Variants in RORA observed in about 807,000 individuals in gnomAD.
RORA encodes RAR related orphan receptor A, also known as nuclear receptor ROR-alpha.
Under a neutral mutation model 69.5 loss-of-function variants are expected in RORA, and 7 were observed. The ratio of observed to expected loss-of-function variants is 0.10; its 90% confidence interval spans 0.06 to 0.19. RORA has a LOEUF of 0.19. Among genes scored for constraint, RORA ranks in the 10% least tolerant of loss-of-function variants. RORA has a pLI of 1.00. For missense variants in RORA, 457 were observed against 663.0 expected, an observed-to-expected ratio of 0.69 and a Z score of 3.41; for synonymous variants, 261 against 240.8, an observed-to-expected ratio of 1.08 and a Z score of -0.78.
intron 1 of RORA, among the ~76,000 whole-genome samples, chr15:60,737,454 G>A (rs341414): frequency 0.16 from 24,120 of 152,062 alleles, 2,033 homozygotes; most frequent in African/African-American, 0.21. Context: ...CTGGACCAGC[G>A]GCATGGGCAG....
intron 1 of RORA, among the ~76,000 whole-genome samples, chr15:60,978,010 T>C (rs912304781): frequency 6.6e-6 from 1 of 152,168 alleles, no homozygotes; most frequent in East Asian, 1.9e-4. Flanking sequence ...GGTAACTCTA[T>C]GTTTAATTTT....
At chr15:60,592,814 C>A in intron 2 of RORA, 3 of 579,582 alleles carry the variant, frequency 5.2e-6, no homozygotes, top group Non-Finnish European at 8.7e-6. Flanking sequence ...TCACCTGTGG[C>A]CGCCGGTCGC....
rs763402553 is a variant in RORA, at chr15:60,593,086, C to T, written c.197-61235G>A. 91 of 359,094 alleles carry T rather than the reference C, an allele frequency of 2.5e-4. 1 individual carries two copies. Among genetic ancestry groups the T allele is most frequent in the Non-Finnish European group, 4.6e-4 (83 of 180,720 alleles). The allele number at this position is 359,094 out of a possible 1,614,324, so 22.2% of individuals were successfully genotyped here. On this transcript the variant is annotated intron_variant, in intron 2 of 10. Transcript: ENST00000335670. Reference sequence around the variant, plus strand: ...TGGAGAACGAAGCCACTGGGACCGTCCGGGGAGTGGAGTAAGCTCCTCCGA... The same window carrying T: ...TGGAGAACGAAGCCACTGGGACCGTTCGGGGAGTGGAGTAAGCTCCTCCGA...
Position 61,096,025 on chromosome 15 carries a change from C to G in RORA, c.166+133028G>C, listed in dbSNP as rs74715271. On this transcript the variant is annotated intron_variant, in intron 1 of 10. Coordinates refer to ENST00000335670, the MANE Select transcript of RORA (RefSeq NM_134261.3). ...GAATCACAAGCCAAAGGGCAGAGTC[C>G]AAAAGCTTGTCTGCAAGTGGAAGAA... 8.0e-3 allele frequency among the ~76,000 whole-genome samples: 1,213 copies of G among 152,252 alleles called. 39 individuals are homozygous for G. In the East Asian group the frequency reaches 0.1, roughly 13 times the overall value.
At chr15:60,799,666 T>G (rs767627376) in intron 1 of RORA, among the ~76,000 whole-genome samples, 1 of 152,150 alleles carries the variant, frequency 6.6e-6, no homozygotes, top group Non-Finnish European at 1.5e-5. Flanking sequence ...GTATATCACA[T>G]GCTACATGCC....
chr15:60,776,288 C>T (rs1465437302), intron 1 of RORA, among the ~76,000 whole-genome samples: 1 of 152,246 alleles, frequency 6.6e-6, no homozygotes, highest in Non-Finnish European at 1.5e-5. Context: ...CCTCACTCTT[C>T]CCATTCTTGA....
chr15:60,863,435 T>C (rs572514596), intron 1 of RORA, among the ~76,000 whole-genome samples: 19 of 152,314 alleles, frequency 1.2e-4, no homozygotes, highest in Non-Finnish European at 2.1e-4. Flanking sequence ...TAGACTTGGG[T>C]ACAATTAAAG....
intron 1 of RORA, among the ~76,000 whole-genome samples, chr15:61,056,374 T>C (rs2078096770): frequency 1.3e-5 from 2 of 152,312 alleles, no homozygotes; most frequent in South Asian, 4.1e-4. Context: ...AAAACTAAAA[T>C]TCCTATCTGG....
At chr15:60,587,976 G>A (rs1035774654) in intron 2 of RORA, among the ~76,000 whole-genome samples, 3 of 152,070 alleles carry the variant, frequency 2.0e-5, no homozygotes, top group African/African-American at 7.2e-5. Context: ...AAATACTGAC[G>A]GATAGAAAAA....
chr15:60,712,975 C>G (rs1185548626), intron 1 of RORA, among the ~76,000 whole-genome samples: 1 of 152,106 alleles, frequency 6.6e-6, no homozygotes, highest in African/African-American at 2.4e-5. Flanking sequence ...ATACTTTGAA[C>G]CTGGGTTAAG....
chr15:60,566,782 G>C (rs1382591297), intron 2 of RORA, among the ~76,000 whole-genome samples: 1 of 152,164 alleles, frequency 6.6e-6, no homozygotes, highest in Non-Finnish European at 1.5e-5. Flanking sequence ...AAGCCAAGGA[G>C]AGGTCCCAGC....
chr15:60,868,649 G>A lies in RORA; in HGVS notation c.167-189963C>T, dbSNP rs983977905. ...TAGGCTTCCTTCCACCCCAAAGTGC[G>A]TGGTACTTCGGTTTCAAATCCATTC... On this transcript the variant is annotated intron_variant, in intron 1 of 10. Transcript: ENST00000335670. 3.9e-5 allele frequency among the ~76,000 whole-genome samples: 6 copies of A among 152,178 alleles called. No homozygotes were observed. In the East Asian group the frequency reaches 9.7e-4, roughly 25 times the overall value.
chr15:60,548,407 T>C (rs2067135987), intron 2 of RORA, among the ~76,000 whole-genome samples: 2 of 152,058 alleles, frequency 1.3e-5, no homozygotes, highest in African/African-American at 4.8e-5. Context: ...TTTCGGGCAC[T>C]GTGCTAGTAC....
At chr15:60,879,752 G>T (rs1425472819) in intron 1 of RORA, among the ~76,000 whole-genome samples, 1 of 152,176 alleles carries the variant, frequency 6.6e-6, no homozygotes, top group Admixed American at 6.5e-5. Flanking sequence ...GAGGGTTAGG[G>T]TCAGGGTTCT....
intron 1 of RORA, among the ~76,000 whole-genome samples, chr15:60,999,177 T>A (rs1894667009): frequency 6.6e-6 from 1 of 152,158 alleles, no homozygotes; most frequent in Non-Finnish European, 1.5e-5. Flanking sequence ...ACCCCTGGCA[T>A]AGAAAACAAT....
intron 1 of RORA, among the ~76,000 whole-genome samples, chr15:60,820,539 A>G (rs1399442103): frequency 6.6e-6 from 1 of 152,152 alleles, no homozygotes; most frequent in African/African-American, 2.4e-5. Context: ...GATTTGAGGG[A>G]AAAAAGGCGC....
At chr15:60,569,960 A>G (rs2067831081) in intron 2 of RORA, among the ~76,000 whole-genome samples, 1 of 152,220 alleles carries the variant, frequency 6.6e-6, no homozygotes, top group Admixed American at 6.5e-5. Flanking sequence ...CACACTCGTT[A>G]AAAAGGAAGA....
intron 2 of RORA, among the ~76,000 whole-genome samples, chr15:60,538,934 C>T (rs1040708579): frequency 1.5e-4 from 23 of 151,330 alleles, no homozygotes; most frequent in African/African-American, 3.9e-4. Context: ...GTAATTTCTC[C>T]GGAAAACTTA....
At chr15:60,551,331 G>A (rs778462391) in intron 2 of RORA, among the ~76,000 whole-genome samples, 20 of 151,778 alleles carry the variant, frequency 1.3e-4, no homozygotes, top group Non-Finnish European at 2.5e-4. Flanking sequence ...AGCAGAAGCC[G>A]GTCAGTTTCA....
Sources: allele counts gnomAD v4.1 joint callset (sites outside exome capture counted in the v4.1 genomes callset), GRCh38; gene constraint gnomAD v4.1.1; transcripts MANE v1.5; gene names NCBI Gene and HGNC (gene_info 2026-07-23, HGNC 2026-07-21).